Variants in CAST observed in about 807,000 individuals in gnomAD.
CAST encodes MIR583 host.
A neutral mutation model predicts 119.6 loss-of-function variants in CAST; 76 were observed. The ratio of observed to expected loss-of-function variants is 0.64; its 90% confidence interval spans 0.53 to 0.77. The LOEUF (loss-of-function observed/expected upper bound fraction) is 0.77, where lower values mean the gene tolerates loss of function less well. CAST is among the 30% of genes least tolerant of loss of function. The pLI is 0.00. For synonymous variants in CAST, 319 were observed against 331.6 expected (o/e 0.96, Z 0.41); for missense variants, 953 against 946.5 (o/e 1.01, Z -0.09).
At chr5:96,554,062 T>C (rs541070187) in intron 1 of CAST, among the ~76,000 whole-genome samples, 1 of 152,282 alleles carries the variant, frequency 6.6e-6, no homozygotes, top group South Asian at 2.1e-4. Context: ...TACTTTAAAC[T>C]TCATATGGAA....
At chr5:96,743,323 C>T (rs26504) in intron 16 of CAST, among the ~76,000 whole-genome samples, 22 of 152,126 alleles carry the variant, frequency 1.4e-4, no homozygotes, top group Non-Finnish European at 2.9e-4. Context: ...ATCTGGTGTA[C>T]GAAAGTTTTA....
chr5:96,131,753 G>A, the CAST span, among the ~76,000 whole-genome samples: 813 of 152,238 alleles, frequency 5.3e-3, 8 homozygotes, highest in African/African-American at 0.019. Flanking sequence ...CTAGAAGTTG[G>A]GAAGAGTTCA....
At chr5:96,097,593 G>C in the CAST span, among the ~76,000 whole-genome samples, 607 of 152,190 alleles carry the variant, frequency 4.0e-3, 10 homozygotes, top group Admixed American at 0.025. Context: ...TTGGTTTTCT[G>C]TTCCTGTGTT....
chr5:96,356,707 C>A, the CAST span, among the ~76,000 whole-genome samples: 1 of 152,098 alleles, frequency 6.6e-6, no homozygotes, highest in Non-Finnish European at 1.5e-5. Flanking sequence ...GTTTTGGTAC[C>A]AGTACCATGC....
At chr5:96,264,939 G>A in the CAST span, among the ~76,000 whole-genome samples, 1 of 152,166 alleles carries the variant, frequency 6.6e-6, no homozygotes, top group Non-Finnish European at 1.5e-5. Context: ...CATTTAATTG[G>A]TGATGGACAT....
chr5:96,077,369 G>A, the CAST span, among the ~76,000 whole-genome samples: 1 of 152,026 alleles, frequency 6.6e-6, no homozygotes, highest in Non-Finnish European at 1.5e-5. Flanking sequence ...GCAATTTTAT[G>A]TATATTTGGT....
the CAST span, among the ~76,000 whole-genome samples, chr5:96,166,428 A>G: frequency 0.31 from 47,290 of 151,916 alleles, 7,601 homozygotes; most frequent in Middle Eastern, 0.39. Context: ...CAGCACACCA[A>G]TGCATCTGCC....
chr5:96,402,550 C>A, the CAST span, among the ~76,000 whole-genome samples: 1 of 152,168 alleles, frequency 6.6e-6, no homozygotes, highest in African/African-American at 2.4e-5. Context: ...ACCTCAGAGT[C>A]CATAAAATTG....
At chr5:96,196,782 T>A in the CAST span, among the ~76,000 whole-genome samples, 1 of 152,222 alleles carries the variant, frequency 6.6e-6, no homozygotes, top group Admixed American at 6.5e-5. Flanking sequence ...AAATGTGATA[T>A]ATCTAATCAG....
Position 96,729,696 on chromosome 5 carries a change from C to T in CAST, c.520C>T (p.Gln174Ter). Residue 174 changes from glutamine (Q) to a stop codon, truncating the protein, a stop_gained, in exon 8 of 32, where the codon CAG becomes TAG. Coordinates refer to ENST00000675179, the MANE Select transcript of CAST (RefSeq NM_001750.7). LOFTEE classifies it high-confidence loss of function. ...KKAVSRSAEQ[Q>*]PSEKSTEPKT... ...AGCAGTTTCCAGATCAGCTGAACAG[C>T]AGCCATCAGAGAAATCAACAGAACC... 6.4e-7 allele frequency: 1 copy of T among 1,557,504 alleles called. No homozygotes were observed. Among genetic ancestry groups the T allele is most frequent in the Non-Finnish European group, 8.9e-7 (1 of 1,128,540 alleles).
the CAST span, among the ~76,000 whole-genome samples, chr5:96,094,025 C>A: frequency 6.6e-6 from 1 of 151,926 alleles, no homozygotes; most frequent in East Asian, 1.9e-4. Flanking sequence ...TAAAGGCATG[C>A]CTTATTTCCC....
the CAST span, among the ~76,000 whole-genome samples, chr5:96,207,240 T>C: frequency 6.6e-6 from 1 of 152,126 alleles, no homozygotes; most frequent in Non-Finnish European, 1.5e-5. Context: ...AATCATATCA[T>C]TTGCAAACAG....
At chr5:95,999,644 T>C in the CAST span, among the ~76,000 whole-genome samples, 6 of 152,288 alleles carry the variant, frequency 3.9e-5, no homozygotes, top group Admixed American at 6.5e-5. Flanking sequence ...GCACCAAGCT[T>C]ACACACTGAT....
At chr5:96,237,567 C>A in the CAST span, among the ~76,000 whole-genome samples, 1 of 152,108 alleles carries the variant, frequency 6.6e-6, no homozygotes, top group Non-Finnish European at 1.5e-5. Flanking sequence ...GGGCCTGGAA[C>A]CATATTCTGG....
At chr5:96,543,695 A>C (rs1745956974) in intron 1 of CAST, among the ~76,000 whole-genome samples, 1 of 152,260 alleles carries the variant, frequency 6.6e-6, no homozygotes, top group Non-Finnish European at 1.5e-5. Flanking sequence ...TTTCCCCTAC[A>C]TTATCTTCTA....
the CAST span, among the ~76,000 whole-genome samples, chr5:95,996,673 G>A: frequency 6.6e-6 from 1 of 152,252 alleles, no homozygotes; most frequent in Non-Finnish European, 1.5e-5. Context: ...TCAAACTTCA[G>A]TGTACATAAT....
the CAST span, among the ~76,000 whole-genome samples, chr5:96,418,148 A>G: frequency 1.3e-5 from 2 of 152,198 alleles, no homozygotes; most frequent in African/African-American, 4.8e-5. Context: ...CATGGTACAA[A>G]TATGCATTGA....
At chr5:96,204,485 A>C in the CAST span, among the ~76,000 whole-genome samples, 78,056 of 151,854 alleles carry the variant, frequency 0.51, 21,423 homozygotes, top group African/African-American at 0.7. Context: ...TAGGTCCTCT[A>C]CTAATTCCAC....
At chr5:96,484,007 C>A in the CAST span, among the ~76,000 whole-genome samples, 1 of 152,142 alleles carries the variant, frequency 6.6e-6, no homozygotes, top group African/African-American at 2.4e-5. Flanking sequence ...GCCTTACTAG[C>A]AATTAACTAT....
Sources: gnomAD v4.1 joint callset for allele counts (sites outside exome capture counted in the v4.1 genomes callset) on GRCh38, gnomAD v4.1.1 for gene constraint, MANE v1.5 for transcripts, NCBI Gene and HGNC (gene_info 2026-07-23, HGNC 2026-07-21) for gene names.